PALLD: variants seen among roughly 807,000 people sequenced by gnomAD.
PALLD encodes palladin, cytoskeletal associated protein.
Under a neutral mutation model 123.5 loss-of-function variants are expected in PALLD, and 61 were observed. The observed-to-expected ratio is 0.49, with a 90% CI of 0.40 to 0.61. PALLD has a LOEUF of 0.61. PALLD is among the 20% of genes least tolerant of loss of function. The probability of loss-of-function intolerance (pLI) is 0.00; values close to 1 mark genes in which losing one functional copy is unlikely to be tolerated. For missense variants in PALLD, 1,273 were observed against 1,377.0 expected (o/e 0.92, Z 1.20); for synonymous variants, 465 against 496.4 (o/e 0.94, Z 0.84).
At position 168,718,741 on chromosome 4, in the gene PALLD, A is replaced by G. The variant is rs370068477; in HGVS notation, c.1964+6818A>G. On this transcript the variant is annotated intron_variant, in intron 10 of 21. Coordinates refer to ENST00000505667, the MANE Select transcript of PALLD (RefSeq NM_001166108.2). Reference sequence around the variant, plus strand: ...TGTGTATTTTTTCTTTTATTTTTAGACAAGTGCCTACCCACCACATATACT... The same window carrying G: ...TGTGTATTTTTTCTTTTATTTTTAGGCAAGTGCCTACCCACCACATATACT... 3.6e-4 allele frequency among the ~76,000 whole-genome samples: 55 copies of G among 152,256 alleles called. 1 individual carries two copies. In the South Asian group the frequency reaches 5.8e-3, roughly 16 times the overall value.
chr4:168,553,674 T>A (rs1200243477), intron 2 of PALLD, among the ~76,000 whole-genome samples: 3 of 150,700 alleles, frequency 2.0e-5, no homozygotes, highest in African/African-American at 7.3e-5. Flanking sequence ...CATGCAGATA[T>A]GTTTACCCAT....
chr4:168,527,987 G>A (rs1260630716), intron 2 of PALLD, among the ~76,000 whole-genome samples: 2 of 152,314 alleles, frequency 1.3e-5, no homozygotes, highest in East Asian at 3.9e-4. Flanking sequence ...AGGGTTAAGA[G>A]TGGTAGCAAT....
chr4:168,878,014 G>A lies in PALLD; in HGVS notation c.1965-12908G>A, dbSNP rs758706279. 1.8e-4 allele frequency: 274 copies of A among 1,496,568 alleles called. 2 individuals are homozygous for A. The African/African-American group carries it at 3.4e-3, about 18-fold the overall frequency. The allele number at this position is 1,496,568 out of a possible 1,614,324, so 92.7% of individuals were successfully genotyped here. Reference sequence around the variant, plus strand: ...GGCCCGCGTCGGGCCACGGCACGCCGGCCTCCAGCCCCAGCTCGTCCAGCC... The same window carrying A: ...GGCCCGCGTCGGGCCACGGCACGCCAGCCTCCAGCCCCAGCTCGTCCAGCC... On this transcript the variant is annotated intron_variant, in intron 10 of 21. Coordinates refer to ENST00000505667, the MANE Select transcript of PALLD (RefSeq NM_001166108.2).
At chr4:168,555,751 G>A (rs968392658) in intron 2 of PALLD, among the ~76,000 whole-genome samples, 3 of 152,114 alleles carry the variant, frequency 2.0e-5, no homozygotes, top group Non-Finnish European at 4.4e-5. Flanking sequence ...TCATTCCAAA[G>A]CAGTTGATTT....
intron 2 of PALLD, among the ~76,000 whole-genome samples, chr4:168,520,899 T>C (rs970312647): frequency 2.0e-5 from 3 of 152,132 alleles, no homozygotes; most frequent in African/African-American, 7.2e-5. Flanking sequence ...CAGTTAGAAG[T>C]TTGAATTGGT....
At chr4:168,828,671 G>A (rs1044573486) in intron 10 of PALLD, among the ~76,000 whole-genome samples, 12 of 152,188 alleles carry the variant, frequency 7.9e-5, no homozygotes, top group African/African-American at 2.4e-4. Flanking sequence ...TGATTTGAAG[G>A]TTACTTTCAC....
chr4:168,588,411 A>ATT (rs56144115), intron 2 of PALLD, among the ~76,000 whole-genome samples: 6 of 149,338 alleles, frequency 4.0e-5, no homozygotes, highest in Admixed American at 6.7e-5. Flanking sequence ...GATACTTTTT[A>ATT]TTTTTTTTTT....
intron 2 of PALLD, among the ~76,000 whole-genome samples, chr4:168,593,638 A>G (rs997882179): frequency 6.6e-6 from 1 of 152,160 alleles, no homozygotes; most frequent in African/African-American, 2.4e-5. Flanking sequence ...ACAGATAATC[A>G]AAATGCAAAT....
chr4:168,819,694 G>C (rs1365600557), intron 10 of PALLD, among the ~76,000 whole-genome samples: 1 of 152,154 alleles, frequency 6.6e-6, no homozygotes, highest in Non-Finnish European at 1.5e-5. Flanking sequence ...TGCATTTCCA[G>C]GGAAAATTAA....
At chr4:168,898,198 T>G (rs1326810568) in intron 13 of PALLD, 1 of 436,342 alleles carries the variant, frequency 2.3e-6, no homozygotes, top group Non-Finnish European at 4.2e-6. Context: ...TGCTTTTGCC[T>G]TTTTCTTTCC....
chr4:168,610,236 G>T (rs964222343), intron 2 of PALLD, among the ~76,000 whole-genome samples: 1 of 152,046 alleles, frequency 6.6e-6, no homozygotes, highest in South Asian at 2.1e-4. Flanking sequence ...CAGTCTCAGT[G>T]TTTTTCCCTC....
At chr4:168,563,398 A>T (rs986508777) in intron 2 of PALLD, among the ~76,000 whole-genome samples, 1 of 152,200 alleles carries the variant, frequency 6.6e-6, no homozygotes, top group African/African-American at 2.4e-5. Flanking sequence ...CATAGACCAT[A>T]ACCAGAAACA....
chr4:168,748,581 C>G (rs1730617677), intron 10 of PALLD, among the ~76,000 whole-genome samples: 1 of 152,176 alleles, frequency 6.6e-6, no homozygotes, highest in South Asian at 2.1e-4. Context: ...ATCAGGAATC[C>G]AAGCATAGGT....
intron 10 of PALLD, among the ~76,000 whole-genome samples, chr4:168,821,804 CG>C (rs1742752709): frequency 6.8e-6 from 1 of 147,452 alleles, no homozygotes; most frequent in African/African-American, 2.5e-5. Flanking sequence ...CACTTGAACT[CG>C]AGAGGTGGAG....
chr4:168,846,423 CAA>C (rs1156603622), intron 10 of PALLD, among the ~76,000 whole-genome samples: 1 of 152,132 alleles, frequency 6.6e-6, no homozygotes, highest in Admixed American at 6.5e-5. Context: ...ATCTGATCAA[CAA>C]AGAGTTCCTT....
intron 11 of PALLD, among the ~76,000 whole-genome samples, chr4:168,892,339 C>T (rs949192790): frequency 6.6e-6 from 1 of 152,144 alleles, no homozygotes; most frequent in South Asian, 2.1e-4. Context: ...CCCTTTCAGA[C>T]ACCTTTTTCA....
intron 14 of PALLD, among the ~76,000 whole-genome samples, chr4:168,900,283 C>T (rs1338303853): frequency 6.6e-6 from 1 of 152,040 alleles, no homozygotes; most frequent in Non-Finnish European, 1.5e-5. Flanking sequence ...GGACAGACAT[C>T]CAAACCATAT....
At chr4:168,545,344 T>G (rs904971039) in intron 2 of PALLD, among the ~76,000 whole-genome samples, 7 of 151,980 alleles carry the variant, frequency 4.6e-5, no homozygotes, top group African/African-American at 1.7e-4. Flanking sequence ...CTGGCCAACA[T>G]GGTGAAACCT....
At chr4:168,695,448 A>T (rs574838458) in intron 8 of PALLD, among the ~76,000 whole-genome samples, 1 of 152,312 alleles carries the variant, frequency 6.6e-6, no homozygotes, top group South Asian at 2.1e-4. Context: ...TATATTTGAA[A>T]TTTTTTTATG....
Sources: gnomAD v4.1 joint callset for allele counts (sites outside exome capture counted in the v4.1 genomes callset) on GRCh38, gnomAD v4.1.1 for gene constraint, MANE v1.5 for transcripts, NCBI Gene and HGNC (gene_info 2026-07-23, HGNC 2026-07-21) for gene names.